The following SLC39A11 variants were observed in gnomAD, a reference collection of about 807,000 sequenced individuals.
SLC39A11 encodes the protein zinc transporter ZIP11.
A neutral mutation model predicts 36.1 loss-of-function variants in SLC39A11; 33 were observed. The observed-to-expected ratio is 0.91, with a 90% CI of 0.69 to 1.22. The LOEUF (loss-of-function observed/expected upper bound fraction) is 1.22. Ranked by LOEUF, SLC39A11 falls within the 50% of genes most tolerant of loss-of-function variation. The pLI is 0.00. For missense variants in SLC39A11, 432 were observed against 430.3 expected (o/e 1.00, Z -0.03); for synonymous variants, 166 against 170.3 (o/e 0.97, Z 0.20).
intron 2 of SLC39A11, among the ~76,000 whole-genome samples, chr17:73,086,163 G>A (rs1274589045): frequency 6.6e-6 from 1 of 152,166 alleles, no homozygotes; most frequent in African/African-American, 2.4e-5. Flanking sequence ...TGATTGGAAG[G>A]GGCTGTGAGG....
chr17:72,807,522 G>A (rs2077298156), intron 6 of SLC39A11, among the ~76,000 whole-genome samples: 1 of 152,200 alleles, frequency 6.6e-6, no homozygotes, highest in South Asian at 2.1e-4. Context: ...AAGACCAAGT[G>A]ATTAGAAGGC....
Position 72,978,685 on chromosome 17 carries a change from C to T in SLC39A11, c.307-30810G>A, listed in dbSNP as rs534465513. 7.9e-5 allele frequency among the ~76,000 whole-genome samples: 12 copies of T among 152,108 alleles called. No individual in the cohort carries two copies. The South Asian group carries it at 2.5e-3, about 32-fold the overall frequency. On this transcript the variant is annotated intron_variant, in intron 4 of 9. Coordinates refer to ENST00000255559, the MANE Select transcript of SLC39A11 (RefSeq NM_139177.4). Reference sequence around the variant, plus strand: ...AGGTGAGGGAGTAAGGGGGACCAGTCAGGAGGCCAGGTTCTGGGACAGAGA... The same window carrying T: ...AGGTGAGGGAGTAAGGGGGACCAGTTAGGAGGCCAGGTTCTGGGACAGAGA...
At chr17:73,009,173 C>G (rs1474074783) in intron 4 of SLC39A11, among the ~76,000 whole-genome samples, 1 of 151,532 alleles carries the variant, frequency 6.6e-6, no homozygotes, top group African/African-American at 2.4e-5. Context: ...CCCATCCTGG[C>G]TAACACGGTG....
At chr17:72,999,545 T>G (rs530848739) in intron 4 of SLC39A11, among the ~76,000 whole-genome samples, 26 of 152,320 alleles carry the variant, frequency 1.7e-4, no homozygotes, top group African/African-American at 5.5e-4. Flanking sequence ...GAGCCTTATA[T>G]TTGGAGATAA....
rs1567927166 is a variant in SLC39A11, at chr17:72,670,046, G to GATGTATATACACATATATATACA, written c.672-20779_672-20778insTGTATATATATGTGTATATACAT. On this transcript the variant is annotated intron_variant, in intron 7 of 9. Coordinates refer to ENST00000255559, the MANE Select transcript of SLC39A11 (RefSeq NM_139177.4). Reference sequence around the variant, plus strand: ...TAGATGTATATACACATATATATACGTATAGATGTATATACACATATATAT... The same window carrying GATGTATATACACATATATATACA: ...TAGATGTATATACACATATATATACGATGTATATACACATATATATACATATAGATGTATATACACATATATAT... Among the ~76,000 whole-genome samples the GATGTATATACACATATATATACA allele has an allele frequency of 5.9e-4, 81 of 137,448 alleles. 5 individuals are homozygous for GATGTATATACACATATATATACA. The highest frequency in any genetic ancestry group is 2.1e-3 in the African/African-American group (76 of 36,798). 90.2% of individuals were successfully genotyped at this position (137,448 alleles called of 152,430 possible). A position where few individuals can be genotyped will look rare whatever the true frequency, so the allele number is the denominator to read the frequency against.
At chr17:72,826,480 G>C (rs561764137) in intron 6 of SLC39A11, among the ~76,000 whole-genome samples, 168 of 152,280 alleles carry the variant, frequency 1.1e-3, no homozygotes, top group Non-Finnish European at 1.9e-3. Flanking sequence ...ATTAAAACCT[G>C]ATTTTTTCTA....
chr17:73,069,410 C>T (rs1248730069), intron 3 of SLC39A11, among the ~76,000 whole-genome samples: 1 of 152,186 alleles, frequency 6.6e-6, no homozygotes, highest in Non-Finnish European at 1.5e-5. Context: ...AGTAAGTGCT[C>T]ACTAAATGGT....
At chr17:72,903,315 A>AT (rs1356887731) in intron 5 of SLC39A11, among the ~76,000 whole-genome samples, 1 of 152,088 alleles carries the variant, frequency 6.6e-6, no homozygotes, top group Non-Finnish European at 1.5e-5. Flanking sequence ...TAAACAAGAA[A>AT]GGGCCAAAGG....
At chr17:72,748,105 T>C (rs1598556387) in intron 6 of SLC39A11, among the ~76,000 whole-genome samples, 1 of 152,264 alleles carries the variant, frequency 6.6e-6, no homozygotes, top group Non-Finnish European at 1.5e-5. Flanking sequence ...GTGGATCACC[T>C]GAGGTCAGGA....
intron 5 of SLC39A11, among the ~76,000 whole-genome samples, chr17:72,916,041 T>C (rs1411129073): frequency 6.6e-6 from 1 of 152,190 alleles, no homozygotes; most frequent in Non-Finnish European, 1.5e-5. Flanking sequence ...AGGGATTGTG[T>C]GTGGAGCTGC....
chr17:73,084,391 C>G (rs2060646701), intron 3 of SLC39A11, among the ~76,000 whole-genome samples: 1 of 123,314 alleles, frequency 8.1e-6, no homozygotes, highest in Non-Finnish European at 1.6e-5. Context: ...TGAACCATGA[C>G]TGTGCCACTG....
At chr17:72,659,574 C>CTTTTTTT (rs34383683) in intron 7 of SLC39A11, among the ~76,000 whole-genome samples, 6 of 61,200 alleles carry the variant, frequency 9.8e-5, no homozygotes, top group Admixed American at 2.9e-4. Flanking sequence ...CTCTGTGACT[C>CTTTTTTT]TTTTTTTTTT....
chr17:73,025,643 C>T (rs915672056), intron 4 of SLC39A11, among the ~76,000 whole-genome samples: 11 of 152,066 alleles, frequency 7.2e-5, no homozygotes, highest in Non-Finnish European at 1.3e-4. Flanking sequence ...AAAATGTATG[C>T]TTGCACATAT....
At chr17:72,949,350 A>G (rs911477155) in intron 4 of SLC39A11, among the ~76,000 whole-genome samples, 8 of 151,674 alleles carry the variant, frequency 5.3e-5, no homozygotes, top group South Asian at 4.2e-4. Flanking sequence ...TAGTGGAGAT[A>G]GGGTTTCACC....
intron 6 of SLC39A11, among the ~76,000 whole-genome samples, chr17:72,759,988 T>C (rs143390879): frequency 7.3e-4 from 111 of 152,236 alleles, no homozygotes; most frequent in African/African-American, 2.5e-3. Context: ...GGAATCTTGT[T>C]TGTTTTTTTT....
rs756830576 is a variant in SLC39A11 at position 73,040,036 on chromosome 17, C to T, written c.148-8322G>A. ...GGGAAGGAATCCCAAAGCTGAAGTC[C>T]GAGATGAATCAGTGTCAGCAATAAC... On this transcript the variant is annotated intron_variant, in intron 3 of 9. Transcript: ENST00000255559. 7.2e-5 allele frequency among the ~76,000 whole-genome samples: 11 copies of T among 152,166 alleles called. No individual in the cohort carries two copies. The East Asian group carries it at 1.2e-3, about 16-fold the overall frequency.
chr17:72,669,308 A>G (rs2070892271), intron 7 of SLC39A11, among the ~76,000 whole-genome samples: 2 of 152,162 alleles, frequency 1.3e-5, no homozygotes, highest in Non-Finnish European at 2.9e-5. Flanking sequence ...TTCTCCCCTG[A>G]CATCCTTTTG....
intron 5 of SLC39A11, among the ~76,000 whole-genome samples, chr17:72,926,237 C>T (rs922038754): frequency 6.6e-6 from 1 of 152,132 alleles, no homozygotes; most frequent in Non-Finnish European, 1.5e-5. Context: ...TCCTTTTAAC[C>T]AGCCATGCTT....
Position 72,963,283 on chromosome 17 carries a change from T to G in SLC39A11, c.307-15408A>C, listed in dbSNP as rs1189841622. 1.3e-4 allele frequency among the ~76,000 whole-genome samples: 19 copies of G among 150,594 alleles called. No individual in the cohort carries two copies. The South Asian group carries it at 1.3e-3, about 10-fold the overall frequency. On this transcript the variant is annotated intron_variant, in intron 4 of 9. Coordinates refer to ENST00000255559, the MANE Select transcript of SLC39A11 (RefSeq NM_139177.4). ...CCTCCCGGGTTCACGCCATTCTCCT[T>G]CCTCAGCCTCCAGAGTAGCTGGGAC...
Sources: gnomAD v4.1 joint callset for allele counts (sites outside exome capture counted in the v4.1 genomes callset) on GRCh38, gnomAD v4.1.1 for gene constraint, MANE v1.5 for transcripts, NCBI Gene and HGNC (gene_info 2026-07-23, HGNC 2026-07-21) for gene names.